EPRS1: variants seen among roughly 807,000 people sequenced by gnomAD.
The protein encoded by EPRS1 is bifunctional glutamate/proline--tRNA ligase.
EPRS1 carries 107 observed loss-of-function variants against 188.3 expected under a neutral mutation model. That is an observed-to-expected ratio of 0.57 (90% CI 0.49 to 0.67). EPRS1 has a LOEUF of 0.67. EPRS1 is among the 30% of genes least tolerant of loss of function. EPRS1 has a pLI of 0.00. For missense variants in EPRS1, 1,577 were observed against 1,802.2 expected (o/e 0.88, Z 2.26); for synonymous variants, 596 against 593.1 (o/e 1.00, Z -0.07).
intron 18 of EPRS1, among the ~76,000 whole-genome samples, chr1:219,994,826 GC>G (rs1423424075): frequency 1.3e-5 from 2 of 151,658 alleles, no homozygotes; most frequent in African/African-American, 4.8e-5. Context: ...CTAATTTTTT[GC>G]ATTTTTAGTA....
intron 18 of EPRS1, among the ~76,000 whole-genome samples, chr1:219,991,529 G>C (rs532078288): frequency 1.2e-4 from 18 of 152,274 alleles, no homozygotes; most frequent in Admixed American, 6.5e-4. Flanking sequence ...AGGGAAGAGA[G>C]TGATGATGCT....
intron 2 of EPRS1, among the ~76,000 whole-genome samples, chr1:220,039,920 CA>C (rs566836360): frequency 4.4e-4 from 67 of 152,296 alleles, no homozygotes; most frequent in African/African-American, 1.6e-3. Flanking sequence ...GGCTTGAGGC[CA>C]GGGGTTCGAA....
chr1:219,973,226 T>A lies in EPRS1; in HGVS notation c.4244+12A>T. On this transcript the variant is annotated intron_variant, in intron 29 of 31. Coordinates refer to ENST00000366923, the MANE Select transcript of EPRS1 (RefSeq NM_004446.3). ...TCTGGAGAGAGAGACATAAGCAATT[T>A]TAAGAAACTACCTTGTGAAAAGGGT... 6.2e-7 allele frequency: 1 copy of A among 1,608,920 alleles called. No individual in the cohort carries two copies. The highest frequency in any genetic ancestry group is 8.5e-7 in the Non-Finnish European group (1 of 1,176,918).
intron 16 of EPRS1, among the ~76,000 whole-genome samples, chr1:220,001,849 T>G (rs931715304): frequency 2.0e-5 from 3 of 151,138 alleles, no homozygotes; most frequent in Non-Finnish European, 4.4e-5. Flanking sequence ...GGCAACACGG[T>G]GAAACCCCAT....
At chr1:219,977,968 T>C (rs1660810899) in intron 28 of EPRS1, among the ~76,000 whole-genome samples, 2 of 152,180 alleles carry the variant, frequency 1.3e-5, no homozygotes, top group Non-Finnish European at 1.5e-5. Flanking sequence ...GAAAAAAATG[T>C]TGTAAGTTTA....
In EPRS1 at chr1:220,011,182, C is replaced by A. The variant is rs937364458; in HGVS notation, c.1495-126G>T. On this transcript the variant is annotated intron_variant, in intron 12 of 31. Coordinates refer to ENST00000366923, the MANE Select transcript of EPRS1 (RefSeq NM_004446.3). ...ACTGCATTTACTAATTTTTTTTCAA[C>A]TGTTAACTCTTTTCTGATATTTACC... The A allele has an allele frequency of 1.2e-5, 7 of 562,710 alleles. No homozygotes were observed. In the African/African-American group the frequency reaches 1.3e-4, roughly 11 times the overall value. 34.9% of individuals were successfully genotyped at this position (562,710 alleles called of 1,614,324 possible).
chr1:220,013,349 T>A (rs1323008184), intron 12 of EPRS1, among the ~76,000 whole-genome samples: 2 of 152,208 alleles, frequency 1.3e-5, no homozygotes, highest in East Asian at 3.8e-4. Context: ...AGGATCACGG[T>A]ATTGTCGAAG....
intron 19 of EPRS1, 38 bp downstream of exon 19, chr1:219,988,552 T>TA: frequency 7.0e-7 from 1 of 1,433,452 alleles, no homozygotes; most frequent in Non-Finnish European, 9.8e-7. Context: ...CCCTGAAACA[T>TA]AAAAAACAAA....
intron 18 of EPRS1, among the ~76,000 whole-genome samples, chr1:219,994,558 GACA>G (rs905908552): frequency 2.7e-5 from 4 of 149,020 alleles, no homozygotes; most frequent in East Asian, 2.0e-4. Context: ...AAAAAATGAA[GACA>G]ACAACAACAA....
At position 219,988,624 on chromosome 1, in the gene EPRS1, A is replaced by G; in HGVS notation, c.2741T>C (p.Val914Ala). ...LFDKVASQGE[V>A]VRKLKTEKAP... ...TTTTTCAGTTTTAAGTTTCCGAACT[A>G]CTTCCCCTTGAGAAGCTACTTTGTC... The change falls in exon 19 of 32, where the codon GTA becomes GCA. Residue 914 changes from valine (V) to alanine (A), a missense_variant. This residue lies in a region of EPRS1 where 1,278 missense variants were observed against 1,457.4 expected (regional missense o/e 0.88). Coordinates refer to ENST00000366923, the MANE Select transcript of EPRS1 (RefSeq NM_004446.3). 6.2e-7 allele frequency: 1 copy of G among 1,613,652 alleles called. No individual in the cohort carries two copies. The highest frequency in any genetic ancestry group is 2.2e-5 in the East Asian group (1 of 44,862).
At chr1:220,005,563 T>C (rs1661442405) in intron 15 of EPRS1, among the ~76,000 whole-genome samples, 1 of 152,198 alleles carries the variant, frequency 6.6e-6, no homozygotes, top group Non-Finnish European at 1.5e-5. Flanking sequence ...TTAACATTCA[T>C]AAACTGGCCT....
intron 6 of EPRS1, 148 bp downstream of exon 6, chr1:220,030,238 G>A: frequency 3.7e-6 from 2 of 541,908 alleles, no homozygotes; most frequent in African/African-American, 2.0e-5. Context: ...CATAAAAACT[G>A]TTAAAACGTT....
chr1:220,039,198 A>G (rs1190710760), intron 2 of EPRS1, among the ~76,000 whole-genome samples: 1 of 152,136 alleles, frequency 6.6e-6, no homozygotes, highest in East Asian at 1.9e-4. Context: ...CTTCCCTAGA[A>G]GTTTCAGTTA....
At chr1:220,014,944 TAG>T (rs1202222115) in intron 12 of EPRS1, among the ~76,000 whole-genome samples, 2 of 151,948 alleles carry the variant, frequency 1.3e-5, no homozygotes, top group African/African-American at 4.8e-5. Context: ...GAAACAAGAA[TAG>T]AGAGTTATTT....
chr1:219,991,227 TAA>T (rs61141405), intron 18 of EPRS1, among the ~76,000 whole-genome samples: 89,289 of 123,282 alleles, frequency 0.72, 32,493 homozygotes, highest in Admixed American at 0.8. Flanking sequence ...GGAGTGACCT[TAA>T]AAAAAAAAAA....
chr1:220,042,867 G>A (rs1662325209), intron 1 of EPRS1, among the ~76,000 whole-genome samples: 1 of 152,136 alleles, frequency 6.6e-6, no homozygotes, highest in East Asian at 1.9e-4. Flanking sequence ...GTTTCAGTGA[G>A]CCAAGATCGC....
intron 4 of EPRS1, 120 bp from the exon 5 acceptor site, chr1:220,032,646 A>C: frequency 1.1e-6 from 1 of 916,998 alleles, no homozygotes. Flanking sequence ...AGAAAATGAA[A>C]TGTTAAATAT....
intron 30 of EPRS1, among the ~76,000 whole-genome samples, chr1:219,969,667 C>A (rs1398269260): frequency 9.7e-5 from 13 of 133,584 alleles, no homozygotes; most frequent in African/African-American, 2.5e-4. Flanking sequence ...AAAAAAAAAA[C>A]CTTTCAATTT....
Position 219,987,349 on chromosome 1 carries a change from G to A in EPRS1, c.2831C>T (p.Ser944Phe). The stretch of plus-strand genomic sequence containing the variant: ...AGGCTTATACTCTACTCCTATCAAA[G>A]ACTTGTACTGTGCCTTTAGCTGAAG... ...ELLQLKAQYK[S>F]LIGVEYKPVS... The change falls in exon 20 of 32, where the codon TCT (serine) becomes TTT (phenylalanine). Residue 944 changes from serine to phenylalanine, a missense_variant. By Grantham distance (155) the Ser-to-Phe change is radical (BLOSUM62 -2). Transcript: ENST00000366923. 1 of 1,613,498 alleles carries A rather than the reference G, an allele frequency of 6.2e-7. No individual in the cohort carries two copies.
Sources: gnomAD v4.1 joint callset for allele counts (sites outside exome capture counted in the v4.1 genomes callset) on GRCh38, gnomAD v4.1.1 for gene constraint, gnomAD v4.1.1 regional missense constraint, MANE v1.5 for transcripts, NCBI Gene and HGNC (gene_info 2026-07-23, HGNC 2026-07-21) for gene names.